ZHX3: variants seen among roughly 807,000 people sequenced by gnomAD.
The protein encoded by ZHX3 is zinc fingers and homeoboxes protein 3.
ZHX3 carries 20 observed loss-of-function variants against 64.5 expected under a neutral mutation model. The observed-to-expected ratio is 0.31, with a 90% CI of 0.22 to 0.45. The LOEUF is 0.45. Ranked by LOEUF, ZHX3 falls within the 20% of genes least tolerant of loss-of-function variation. The pLI, the probability that ZHX3 is intolerant of heterozygous loss-of-function variation, is 1.00. For synonymous variants in ZHX3, 423 were observed against 461.6 expected (o/e 0.92, Z 1.07); for missense variants, 1,041 against 1,195.8 (o/e 0.87, Z 1.91).
rs2039797420 is a variant in ZHX3, at chr20:41,219,563, C to G, written c.-150-14497G>C. ...AAGCACCAAAAACAACAAAACCTTC[C>G]TATAAGTTTTATTTGCTAAATTTGT... On this transcript the variant is annotated intron_variant, in intron 2 of 3. Coordinates refer to ENST00000683867, the MANE Select transcript of ZHX3 (RefSeq NM_001384317.1). This position sits in a 1 kb window ranked among gnomAD's most constrained non-coding sequence, Gnocchi z 5.0. Among the ~76,000 whole-genome samples the G allele has an allele frequency of 6.6e-6, 1 of 152,184 alleles. No homozygotes were observed. The highest frequency in any genetic ancestry group is 6.5e-5 in the Admixed American group (1 of 15,280).
intron 1 of ZHX3, among the ~76,000 whole-genome samples, chr20:41,312,058 T>C (rs2045152853): frequency 6.6e-6 from 1 of 152,138 alleles, no homozygotes; most frequent in Non-Finnish European, 1.5e-5. Flanking sequence ...GAAGTGCTAT[T>C]GAGGGGGTAA....
Position 41,195,323 on chromosome 20 carries a change from C to A in ZHX3, c.2860+6734G>T, listed in dbSNP as rs989675719. Among the ~76,000 whole-genome samples the A allele has an allele frequency of 1.3e-5, 2 of 152,114 alleles. No individual in the cohort carries two copies. The highest frequency in any genetic ancestry group is 2.9e-5 in the Non-Finnish European group (2 of 68,034). On this transcript the variant is annotated intron_variant, in intron 3 of 3. Transcript: ENST00000683867. The surrounding 1 kb of genome is among the most constrained non-coding windows in gnomAD (Gnocchi z 4.2). ...TAGAGACAGGATCCCACTTTGTTACCCAGGCAGGTCTCAAACTCCTGGCCT... is the reference window on the plus strand; with the variant it reads ...TAGAGACAGGATCCCACTTTGTTACACAGGCAGGTCTCAAACTCCTGGCCT...
chr20:41,195,679 G>C lies in ZHX3; in HGVS notation c.2860+6378C>G, dbSNP rs1301395188. Among the ~76,000 whole-genome samples, 2 of 152,218 alleles carry C rather than the reference G, an allele frequency of 1.3e-5. No homozygotes were observed. The highest frequency in any genetic ancestry group is 1.3e-4 in the Admixed American group (2 of 15,282). ...GATCCACCCACCTTAGCCTCCCAAA[G>C]TGTGGGGATTACAGGCATAAGCCAC... On this transcript the variant is annotated intron_variant, in intron 3 of 3. Transcript: ENST00000683867. The surrounding 1 kb of genome is among the most constrained non-coding windows in gnomAD (Gnocchi z 4.2).
At chr20:41,283,361 C>T (rs1238587662) in intron 1 of ZHX3, among the ~76,000 whole-genome samples, 4 of 152,274 alleles carry the variant, frequency 2.6e-5, no homozygotes, top group Non-Finnish European at 5.9e-5. Flanking sequence ...TTTCAGCTCT[C>T]CACTAACTAT....
chr20:41,250,171 G>A (rs150937599), intron 2 of ZHX3, among the ~76,000 whole-genome samples: 1 of 152,276 alleles, frequency 6.6e-6, no homozygotes, highest in Non-Finnish European at 1.5e-5. Flanking sequence ...CCATCAGACA[G>A]CACCAACAGG....
rs143678197 is a variant in ZHX3, at chr20:41,295,374, A to C, written c.-245+22135T>G. Among the ~76,000 whole-genome samples the C allele has an allele frequency of 3.4e-3, 521 of 152,342 alleles. 5 individuals are homozygous for C. The highest frequency in any genetic ancestry group is 0.012 in the African/African-American group (493 of 41,580). On this transcript the variant is annotated intron_variant, in intron 1 of 3. Coordinates refer to ENST00000683867, the MANE Select transcript of ZHX3 (RefSeq NM_001384317.1). Reference sequence around the variant, plus strand: ...TCATATATAATTATGCAGGTTACATAGCAACATGGAAAAATGCTTACAATG... The same window carrying C: ...TCATATATAATTATGCAGGTTACATCGCAACATGGAAAAATGCTTACAATG...
In ZHX3 at chr20:41,266,671, G is replaced by A. The variant is rs563389786; in HGVS notation, c.-151+2319C>T. Among the ~76,000 whole-genome samples, 123 of 148,240 alleles carry A rather than the reference G, an allele frequency of 8.3e-4. 2 individuals are homozygous for A. Among genetic ancestry groups the A allele is most frequent in the African/African-American group, 2.9e-3 (117 of 40,222 alleles). ...CGCCATTCTCCTGCCTCAGCCTCCCGAGTAGTTGGGACTACAGGCGCGCGC... is the reference window on the plus strand; with the variant it reads ...CGCCATTCTCCTGCCTCAGCCTCCCAAGTAGTTGGGACTACAGGCGCGCGC... On this transcript the variant is annotated intron_variant, in intron 2 of 3. Coordinates refer to ENST00000683867, the MANE Select transcript of ZHX3 (RefSeq NM_001384317.1).
intron 1 of ZHX3, among the ~76,000 whole-genome samples, chr20:41,289,082 C>T (rs2044089096): frequency 6.6e-6 from 1 of 152,162 alleles, no homozygotes; most frequent in East Asian, 1.9e-4. Flanking sequence ...ACCTCAACCT[C>T]TTGGGCCCAA....
chr20:41,311,692 G>T (rs911741887), intron 1 of ZHX3, among the ~76,000 whole-genome samples: 1 of 152,096 alleles, frequency 6.6e-6, no homozygotes, highest in African/African-American at 2.4e-5. Flanking sequence ...CATATTCTTA[G>T]CTATGTAACT....
At chr20:41,248,880 T>C (rs1332185134) in intron 2 of ZHX3, among the ~76,000 whole-genome samples, 1 of 152,186 alleles carries the variant, frequency 6.6e-6, no homozygotes, top group East Asian at 1.9e-4. Context: ...ACAGTGTTTT[T>C]GCAAAAGACC....
intron 1 of ZHX3, among the ~76,000 whole-genome samples, chr20:41,299,221 G>A (rs1198898275): frequency 6.6e-6 from 1 of 152,120 alleles, no homozygotes; most frequent in East Asian, 1.9e-4. Context: ...CCATTTGAGA[G>A]GCATTCTAGT....
intron 1 of ZHX3, among the ~76,000 whole-genome samples, chr20:41,273,274 G>GT (rs1010530880): frequency 6.6e-6 from 1 of 151,668 alleles, no homozygotes; most frequent in African/African-American, 2.4e-5. Flanking sequence ...TGTTTTGTTT[G>GT]TTTTTTAACA....
At position 41,195,119 on chromosome 20, in the gene ZHX3, TA is replaced by T. The variant is rs1568793249; in HGVS notation, c.2860+6937del. Reference sequence around the variant, plus strand: ...CATTTAGTTTACTGATTTGAGATCTTAAAAAAAGTTTTTTTAAGACATGGGG... The same window carrying T: ...CATTTAGTTTACTGATTTGAGATCTTAAAAAAGTTTTTTTAAGACATGGGG... On this transcript the variant is annotated intron_variant, in intron 3 of 3. Transcript: ENST00000683867. The surrounding 1 kb of genome is among the most constrained non-coding windows in gnomAD (Gnocchi z 4.2). 6.6e-6 allele frequency among the ~76,000 whole-genome samples: 1 copy of T among 152,128 alleles called. No homozygotes were observed. The highest frequency in any genetic ancestry group is 6.5e-5 in the Admixed American group (1 of 15,274).
At chr20:41,268,672 C>G (rs1417121052) in intron 2 of ZHX3, among the ~76,000 whole-genome samples, 3 of 152,104 alleles carry the variant, frequency 2.0e-5, no homozygotes, top group Admixed American at 2.0e-4. Context: ...TTTGACTCAC[C>G]CTGCACATCA....
intron 1 of ZHX3, among the ~76,000 whole-genome samples, chr20:41,303,618 A>G (rs1252235314): frequency 6.6e-6 from 1 of 152,128 alleles, no homozygotes; most frequent in Non-Finnish European, 1.5e-5. Context: ...CTCTTTCCAC[A>G]CAGTCAAATG....
chr20:41,315,957 A>G (rs570475491), intron 1 of ZHX3, among the ~76,000 whole-genome samples: 1 of 151,998 alleles, frequency 6.6e-6, no homozygotes, highest in South Asian at 2.1e-4. Flanking sequence ...ATCTTTAAAA[A>G]GAAAAAAGCA....
intron 1 of ZHX3, among the ~76,000 whole-genome samples, chr20:41,278,558 C>T (rs183831391): frequency 7.1e-6 from 1 of 140,958 alleles, no homozygotes; most frequent in African/African-American, 2.7e-5. Context: ...TTTATTACTA[C>T]TGAGGTTAAA....
Position 41,296,232 on chromosome 20 carries a change from TAAAAAAAAAAAAAAAAAAAAA to T in ZHX3, c.-245+21256_-245+21276del, listed in dbSNP as rs57987896. On this transcript the variant is annotated intron_variant, in intron 1 of 3. Transcript: ENST00000683867. ...TTCCCTTCTCCTCAAGTTCATAAAG[TAAAAAAAAAAAAAAAAAAAAA>T]AAAAAAAAAAAAAAAATACATGGCA... Among the ~76,000 whole-genome samples, 249 of 73,008 alleles carry T rather than the reference TAAAAAAAAAAAAAAAAAAAAA, an allele frequency of 3.4e-3. 3 individuals carry two copies. Among genetic ancestry groups the T allele is most frequent in the African/African-American group, 5.3e-3 (112 of 21,326 alleles). 47.9% of individuals were successfully genotyped at this position (73,008 alleles called of 152,430 possible).
At position 41,272,778 on chromosome 20, in the gene ZHX3, T is replaced by C. The variant is rs79951561; in HGVS notation, c.-244-3695A>G. ...CACATCTTGCTCATCCATTCATTCA[T>C]TGATAGACATTTGGGTTGTTTCCAT... On this transcript the variant is annotated intron_variant, in intron 1 of 3. Transcript: ENST00000683867. 1.1e-3 allele frequency among the ~76,000 whole-genome samples: 171 copies of C among 152,322 alleles called. 1 individual carries two copies. The highest frequency in any genetic ancestry group is 1.7e-3 in the Non-Finnish European group (114 of 68,006).
Sources: allele counts gnomAD v4.1 joint callset (sites outside exome capture counted in the v4.1 genomes callset), GRCh38; gene constraint gnomAD v4.1.1; non-coding constraint Gnocchi (gnomAD v3.1); transcripts MANE v1.5; gene names NCBI Gene and HGNC (gene_info 2026-07-23, HGNC 2026-07-21).